PITRM1: variants seen among roughly 807,000 people sequenced by gnomAD.
PITRM1 encodes pitrilysin metallopeptidase 1.
Under a neutral mutation model 129.9 loss-of-function variants are expected in PITRM1, and 100 were observed. The ratio of observed to expected loss-of-function variants is 0.77; its 90% CI spans 0.65 to 0.91. The LOEUF (loss-of-function observed/expected upper bound fraction) is 0.91, where lower values mean the gene tolerates loss of function less well. Among genes scored for constraint, PITRM1 ranks in the 40% least tolerant of loss-of-function variants. The pLI is 0.00. For missense variants in PITRM1, 1,471 were observed against 1,318.3 expected (o/e 1.12, Z -1.79); for synonymous variants, 591 against 508.8 (o/e 1.16, Z -2.17).
intron 7 of PITRM1, among the ~76,000 whole-genome samples, chr10:3,162,639 T>C (rs1187473781): frequency 6.6e-6 from 1 of 152,222 alleles, no homozygotes; most frequent in Non-Finnish European, 1.5e-5. Context: ...GAGCTCCCCA[T>C]GAGGGACTCT....
Position 3,148,201 on chromosome 10 carries a change from G to C in PITRM1, c.1962C>G (p.Pro654=), listed in dbSNP as rs148781123. Residue 654 remains proline (P), a synonymous_variant, in exon 17 of 27, where the codon CCC becomes CCG. Coordinates refer to ENST00000224949, the MANE Select transcript of PITRM1 (RefSeq NM_014889.4). ...CGTAGGTGTCCATGTGTGAGTCGTC[G>C]GGGAGCACGTGGGGAGAAGCACTCA... ...GGMSASPHVL[P]DDSHMDTYEQ... 3.7e-6 allele frequency: 6 copies of C among 1,613,944 alleles called. No individual in the cohort carries two copies. Among genetic ancestry groups the C allele is most frequent in the East Asian group, 4.5e-5 (2 of 44,880 alleles).
At position 3,157,512 on chromosome 10, in the gene PITRM1, G is replaced by C; in HGVS notation, c.1270C>G (p.Arg424Gly). ...EVVEKGFEDD[R>G]IEALLHKIEI... is the part of the protein sequence containing the mutation. The stretch of plus-strand genomic sequence containing the variant: ...ATTTTATGAAGTAAAGCCTCAATTC[G>C]ATCATCTTCAAATCCTTTCCTAAAG... The change falls in exon 12 of 27, where the codon CGA (arginine) becomes GGA (glycine). Residue 424 changes from arginine to glycine, a missense_variant. By Grantham distance (125) the Arg-to-Gly change is moderately radical (BLOSUM62 -2). Transcript: ENST00000224949. 1 of 1,603,114 alleles carries C rather than the reference G, an allele frequency of 6.2e-7. No homozygotes were observed. Among genetic ancestry groups the C allele is most frequent in the Non-Finnish European group, 8.5e-7 (1 of 1,171,912 alleles).
chr10:3,138,586 G>A, intron 25 of PITRM1: 1 of 602,834 alleles, frequency 1.7e-6, no homozygotes, highest in Middle Eastern at 4.4e-4. Flanking sequence ...TGATGATGCT[G>A]TGAGCAAAAG....
At chr10:3,146,421 A>G (rs1840871013) in intron 20 of PITRM1, 1 of 152,414 alleles carries the variant, frequency 6.6e-6, no homozygotes, top group Non-Finnish European at 1.5e-5. Flanking sequence ...AGGAAGCAGA[A>G]GACGCAAGTG....
chr10:3,171,841 A>C (rs1173461549), intron 1 of PITRM1, among the ~76,000 whole-genome samples: 6 of 152,248 alleles, frequency 3.9e-5, no homozygotes, highest in Non-Finnish European at 8.8e-5. Flanking sequence ...GAAACAGAGC[A>C]AGATCCCTGC....
Position 3,138,992 on chromosome 10 carries a change from CTT to C in PITRM1, c.2827_2828del (p.Lys943ValfsTer41), listed in dbSNP as rs573398965. On this transcript the variant is annotated frameshift_variant, in exon 25 of 27. Transcript: ENST00000224949. LOFTEE classifies it high-confidence loss of function. ...TGTCTTGCTGTGTGAATTTTCCAGA[CTT>C]AGCCCAGTCGACAGCCTTCCCAAAA... ...QSFGKAVDWA[K>X]SGKFTQQDID... 5.1e-5 allele frequency: 82 copies of C among 1,613,944 alleles called. No individual in the cohort carries two copies. In the African/African-American group the frequency reaches 1.1e-3, roughly 21 times the overall value.
chr10:3,138,530 C>T, intron 25 of PITRM1, 193 bp from the exon 26 acceptor site: 1 of 616,342 alleles, frequency 1.6e-6, no homozygotes, highest in South Asian at 1.9e-5. Flanking sequence ...TGACCCCTAC[C>T]CACGCCTGCT....
At chr10:3,153,330 G>A (rs1157744869) in intron 14 of PITRM1, among the ~76,000 whole-genome samples, 1 of 152,228 alleles carries the variant, frequency 6.6e-6, no homozygotes, top group Non-Finnish European at 1.5e-5. Context: ...ATTATCTTGT[G>A]TAGTCATGAA....
chr10:3,161,404 T>G (rs894257767), intron 7 of PITRM1, among the ~76,000 whole-genome samples: 9 of 152,234 alleles, frequency 5.9e-5, no homozygotes, highest in African/African-American at 1.9e-4. Context: ...AATGACAGAA[T>G]TTATCTTTTT....
At chr10:3,143,711 A>G (rs1311112018) in intron 22 of PITRM1, 1 of 706,638 alleles carries the variant, frequency 1.4e-6, no homozygotes, top group African/African-American at 1.8e-5. Context: ...CCGTCACTCC[A>G]CACAATTTCT....
Position 3,157,527 on chromosome 10 carries a change from C to T in PITRM1, c.1255G>A (p.Gly419Arg), listed in dbSNP as rs561396436. Reference protein sequence around the residue: ...DRTIDEVVEKGFEDDRIEALL... With the variant: ...DRTIDEVVEKRFEDDRIEALL... ...GCCTCAATTCGATCATCTTCAAATC[C>T]TTTCCTAAAGAATACAATGAAGAAC... The change falls in exon 12 of 27, where the codon GGA becomes AGA. Residue 419 changes from glycine (G) to arginine (R), a missense_variant. Gly to Arg is a moderately radical substitution (Grantham distance 125, BLOSUM62 -2). Transcript: ENST00000224949. 9.0e-5 allele frequency: 142 copies of T among 1,583,556 alleles called. 1 individual carries two copies. The South Asian group carries it at 1.5e-3, about 16-fold the overall frequency.
At chr10:3,147,418 A>G in intron 19 of PITRM1, 154 bp downstream of exon 19, 1 of 999,324 alleles carries the variant, frequency 1.0e-6, no homozygotes, top group Non-Finnish European at 1.5e-6. Context: ...AAAGAGGAAG[A>G]TGAGTCAAAA....
At chr10:3,147,439 A>C in intron 19 of PITRM1, 133 bp downstream of exon 19, 2 of 1,144,930 alleles carry the variant, frequency 1.7e-6, no homozygotes, top group East Asian at 2.3e-5. Context: ...CCAACCAACC[A>C]ATTCTTCCCC....
intron 1 of PITRM1, 36 bp from the exon 2 acceptor site, chr10:3,170,242 G>A (rs762780257): frequency 6.8e-7 from 1 of 1,477,350 alleles, no homozygotes; most frequent in East Asian, 2.3e-5. Flanking sequence ...ATGAGTTGCA[G>A]GAAAAGTATC....
Position 3,148,070 on chromosome 10 carries a change from C to T in PITRM1, c.1993-7G>A, listed in dbSNP as rs768037565. 1 of 1,613,728 alleles carries T rather than the reference C, an allele frequency of 6.2e-7. No homozygotes were observed. Among genetic ancestry groups the T allele is most frequent in the Admixed American group, 1.7e-5 (1 of 60,018 alleles). ...GAGAGGAGAAAAGCACACCCTGAAC[C>T]AAAGAAAACACAGAAGAAAGGAATT... is the stretch of plus-strand genomic sequence containing the variant. On this transcript the variant is annotated splice_polypyrimidine_tract_variant and splice_region_variant and intron_variant, in intron 17 of 26. Coordinates refer to ENST00000224949, the MANE Select transcript of PITRM1 (RefSeq NM_014889.4).
intron 23 of PITRM1, among the ~76,000 whole-genome samples, chr10:3,142,092 A>T (rs72780420): frequency 6.6e-6 from 1 of 152,222 alleles, no homozygotes; most frequent in South Asian, 2.1e-4. Context: ...CCCAGGGGGA[A>T]CCTCCACATT....
At chr10:3,165,150 A>T in intron 6 of PITRM1, 88 bp downstream of exon 6, 1 of 951,770 alleles carries the variant, frequency 1.1e-6, no homozygotes, top group Non-Finnish European at 1.6e-6. Flanking sequence ...TGAGAATATT[A>T]AATAAAATCT....
chr10:3,165,293 G>T lies in PITRM1; in HGVS notation c.575C>A (p.Pro192His). The T allele has an allele frequency of 1.3e-6, 2 of 1,588,286 alleles. No homozygotes were observed. Among genetic ancestry groups the T allele is most frequent in the East Asian group, 4.6e-5 (2 of 43,754 alleles). The change falls in exon 6 of 27, where the codon CCC becomes CAC. Residue 192 changes from proline to histidine, a missense_variant. Physicochemically the swap from Pro to His is moderately conservative, Grantham distance 77 (BLOSUM62 -2). Transcript: ENST00000224949. ...TCCTTTAAAGACCAAGGGCGTCTGG[G>T]GGTCGCTCGGATTCTCATGTTCCAG... Reference protein sequence around the residue: ...WRLEHENPSDPQTPLVFKGVV... With the variant: ...WRLEHENPSDHQTPLVFKGVV...
intron 22 of PITRM1, 157 bp from the exon 23 acceptor site, chr10:3,143,658 T>C: frequency 1.4e-6 from 1 of 715,124 alleles, no homozygotes; most frequent in African/African-American, 1.7e-5. Context: ...TCCGTGACAC[T>C]CTGCAGCCAG....
Sources: allele counts gnomAD v4.1 joint callset (sites outside exome capture counted in the v4.1 genomes callset), GRCh38; gene constraint gnomAD v4.1.1; transcripts MANE v1.5; gene names NCBI Gene and HGNC (gene_info 2026-07-23, HGNC 2026-07-21).